Variants in CCDC178 observed in about 807,000 individuals in gnomAD.
The protein encoded by CCDC178 is coiled-coil domain containing 178, also known as coiled-coil domain-containing protein 178.
In CCDC178, 126 loss-of-function variants were observed where a neutral mutation model predicts 117.4. The ratio of observed to expected loss-of-function variants is 1.07; its 90% CI spans 0.93 to 1.24. The LOEUF (loss-of-function observed/expected upper bound fraction) is 1.24. Ranked by LOEUF, CCDC178 falls within the 50% of genes most tolerant of loss-of-function variation. The pLI is 0.00. For synonymous variants in CCDC178, 283 were observed against 313.4 expected (o/e 0.90, Z 1.02); for missense variants, 1,030 against 986.9 (o/e 1.04, Z -0.59).
At chr18:33,170,532 G>A (rs975872595) in intron 20 of CCDC178, among the ~76,000 whole-genome samples, 2 of 151,936 alleles carry the variant, frequency 1.3e-5, no homozygotes, top group Non-Finnish European at 2.9e-5. Context: ...TATATATACA[G>A]CATAAATATA....
intron 9 of CCDC178, among the ~76,000 whole-genome samples, chr18:33,340,536 C>A (rs955192057): frequency 2.0e-5 from 3 of 152,172 alleles, no homozygotes; most frequent in African/African-American, 7.2e-5. Context: ...TCATGGCAGA[C>A]CCTCCCATCA....
intron 20 of CCDC178, among the ~76,000 whole-genome samples, chr18:33,140,586 G>A (rs1365750731): frequency 6.6e-6 from 1 of 152,134 alleles, no homozygotes; most frequent in Non-Finnish European, 1.5e-5. Context: ...CTTTGTTTTG[G>A]AAAATTTGTC....
chr18:33,238,155 T>C (rs2059447330), intron 15 of CCDC178, among the ~76,000 whole-genome samples: 1 of 152,056 alleles, frequency 6.6e-6, no homozygotes, highest in Admixed American at 6.6e-5. Context: ...CATGAATAAG[T>C]TTCCCTACAT....
chr18:33,353,608 T>C (rs1195126268), intron 7 of CCDC178, among the ~76,000 whole-genome samples: 1 of 152,104 alleles, frequency 6.6e-6, no homozygotes, highest in Non-Finnish European at 1.5e-5. Flanking sequence ...ATCTTAACTC[T>C]ATAAAACTTG....
chr18:33,364,732 C>CTT (rs34988094), intron 6 of CCDC178, among the ~76,000 whole-genome samples: 16,432 of 110,644 alleles, frequency 0.15, 2,345 homozygotes, highest in African/African-American at 0.36. Context: ...GTTGTCGCTC[C>CTT]TTTTTTTTTT....
intron 14 of CCDC178, among the ~76,000 whole-genome samples, chr18:33,260,632 T>C (rs1311940912): frequency 1.3e-5 from 2 of 152,092 alleles, no homozygotes; most frequent in Non-Finnish European, 2.9e-5. Context: ...TGATGGTATT[T>C]ATTTTCCTGT....
At chr18:32,966,886 A>G (rs1445608856) in intron 22 of CCDC178, among the ~76,000 whole-genome samples, 1 of 151,838 alleles carries the variant, frequency 6.6e-6, no homozygotes. Flanking sequence ...AGATTGAGCT[A>G]AATTTTTGTT....
intron 12 of CCDC178, among the ~76,000 whole-genome samples, chr18:33,288,239 GCTCCCCTCCTCTCCC>G (rs2060123670): frequency 5.9e-5 from 4 of 67,934 alleles, no homozygotes; most frequent in Non-Finnish European, 8.6e-5. Context: ...CCTCCCCTCC[GCTCCCCTCCTCTCCC>G]CTTCCCTCCC....
chr18:33,231,522 T>C (rs1234143455), intron 15 of CCDC178, among the ~76,000 whole-genome samples: 1 of 152,190 alleles, frequency 6.6e-6, no homozygotes, highest in African/African-American at 2.4e-5. Context: ...ATCTACTGTT[T>C]TTAACTCTGA....
chr18:33,372,637 A>G (rs1157918034), intron 5 of CCDC178, among the ~76,000 whole-genome samples: 4 of 152,102 alleles, frequency 2.6e-5, no homozygotes, highest in African/African-American at 9.7e-5. Context: ...AAAAGACAAG[A>G]TCCTCCTGGC....
chr18:33,396,804 C>G (rs2063643677), intron 4 of CCDC178, among the ~76,000 whole-genome samples: 1 of 152,044 alleles, frequency 6.6e-6, no homozygotes, highest in Admixed American at 6.6e-5. Flanking sequence ...TACAGGGAGA[C>G]CTTCTGAAAT....
intron 21 of CCDC178, among the ~76,000 whole-genome samples, chr18:33,055,660 C>G (rs2056817928): frequency 6.6e-6 from 1 of 152,110 alleles, no homozygotes; most frequent in South Asian, 2.1e-4. Context: ...TTCTCTAACA[C>G]TTAACATGAA....
chr18:33,407,681 A>G (rs2063798876), intron 3 of CCDC178, among the ~76,000 whole-genome samples: 1 of 152,030 alleles, frequency 6.6e-6, no homozygotes, highest in African/African-American at 2.4e-5. Context: ...TAAACATTTA[A>G]TATTTAACCA....
At chr18:33,093,125 T>A (rs558702887) in intron 20 of CCDC178, among the ~76,000 whole-genome samples, 1 of 152,258 alleles carries the variant, frequency 6.6e-6, no homozygotes, top group Non-Finnish European at 1.5e-5. Flanking sequence ...AGGTTTTTTT[T>A]TAACATTAAT....
intron 22 of CCDC178, chr18:32,957,884 T>A (rs1425541786): frequency 5.9e-6 from 1 of 170,634 alleles, no homozygotes; most frequent in African/African-American, 2.4e-5. Context: ...AGGTCTAATA[T>A]AAAGATCTTT....
rs535420661 is a variant in CCDC178 at position 33,142,570 on chromosome 18, T to C, written c.2239-49660A>G. ...AAGAGTTTGATTATTAGAAACTGAT[T>C]GTTGGTGGATGGGGAAATAGGAAGA... On this transcript the variant is annotated intron_variant, in intron 20 of 22. Transcript: ENST00000383096. Among the ~76,000 whole-genome samples the C allele has an allele frequency of 2.6e-5, 4 of 152,218 alleles. No individual in the cohort carries two copies. The East Asian group carries it at 7.7e-4, about 29-fold the overall frequency.
At chr18:33,242,808 A>G (rs2059504095) in intron 15 of CCDC178, among the ~76,000 whole-genome samples, 1 of 151,898 alleles carries the variant, frequency 6.6e-6, no homozygotes, top group Non-Finnish European at 1.5e-5. Context: ...GTTGGTGGGA[A>G]TTAAAATTAG....
intron 20 of CCDC178, among the ~76,000 whole-genome samples, chr18:33,161,067 C>G (rs1207288990): frequency 6.6e-6 from 1 of 152,012 alleles, no homozygotes; most frequent in Non-Finnish European, 1.5e-5. Context: ...AATAGATCAA[C>G]TGTTCTAGCC....
chr18:33,011,224 C>G (rs1307491873), intron 21 of CCDC178, among the ~76,000 whole-genome samples: 3 of 152,102 alleles, frequency 2.0e-5, no homozygotes, highest in Non-Finnish European at 4.4e-5. Context: ...CACTTGTATA[C>G]AAGTGGCTCA....
Sources: gnomAD v4.1 joint callset for allele counts (sites outside exome capture counted in the v4.1 genomes callset) on GRCh38, gnomAD v4.1.1 for gene constraint, MANE v1.5 for transcripts, NCBI Gene and HGNC (gene_info 2026-07-23, HGNC 2026-07-21) for gene names.